Variants in SHB observed in about 807,000 individuals in gnomAD.
The protein encoded by SHB is SH2 domain-containing adapter protein B.
In SHB, 20 loss-of-function variants were observed where a neutral mutation model predicts 52.3. That is an observed-to-expected ratio of 0.38 (90% CI 0.27 to 0.56). The LOEUF is 0.56. Ranked by LOEUF, SHB falls within the 20% of genes least tolerant of loss-of-function variation. The probability of loss-of-function intolerance (pLI) is 0.71; values close to 1 mark genes in which losing one functional copy is unlikely to be tolerated. For missense variants in SHB, 825 were observed against 723.3 expected (o/e 1.14, Z -1.61); for synonymous variants, 397 against 316.5 (o/e 1.25, Z -2.70).
At chr9:37,956,330 T>C (rs1832633680) in intron 3 of SHB, among the ~76,000 whole-genome samples, 1 of 152,024 alleles carries the variant, frequency 6.6e-6, no homozygotes, top group African/African-American at 2.4e-5. Context: ...CTGTGGCCTC[T>C]AGCGGGGGGC....
chr9:38,068,205 C>T lies in SHB; in HGVS notation c.441G>A (p.Gly147=). The change falls in exon 1 of 6, where the codon GGG becomes GGA. Residue 147 remains glycine, a synonymous_variant. Transcript: ENST00000377707. ...AGCCCASSGA[G]AAASSSSSSG... ...AGGACGAGGACGAGGACGCGGCGGC[C>T]CCCGCGCCCGAGGAGGCGCAGCAAC... 1 of 1,398,694 alleles carries T rather than the reference C, an allele frequency of 7.1e-7. No individual in the cohort carries two copies. Among genetic ancestry groups the T allele is most frequent in the South Asian group, 1.6e-5 (1 of 61,524 alleles). The allele number at this position is 1,398,694 out of a possible 1,614,324, so 86.6% of individuals were successfully genotyped here. A position where few individuals can be genotyped will look rare whatever the true frequency, so the allele number is the denominator to read the frequency against.
intron 1 of SHB, among the ~76,000 whole-genome samples, chr9:38,038,722 T>G (rs1821523504): frequency 6.6e-6 from 1 of 152,014 alleles, no homozygotes. Context: ...CCTACTCGGG[T>G]CATGAGCCAG....
chr9:37,993,169 G>A (rs531783065), intron 2 of SHB, among the ~76,000 whole-genome samples: 5 of 152,324 alleles, frequency 3.3e-5, no homozygotes, highest in African/African-American at 1.2e-4. Context: ...GGAATGAGAT[G>A]AGGCTTAACA....
intron 2 of SHB, among the ~76,000 whole-genome samples, chr9:37,998,066 G>T (rs1164022386): frequency 6.6e-6 from 1 of 152,236 alleles, no homozygotes; most frequent in African/African-American, 2.4e-5. Flanking sequence ...TGCTGTGGTG[G>T]AGCTGCTTTC....
At chr9:37,934,389 C>T (rs563349283) in intron 5 of SHB, among the ~76,000 whole-genome samples, 10 of 152,322 alleles carry the variant, frequency 6.6e-5, no homozygotes, top group African/African-American at 2.2e-4. Flanking sequence ...CCTCTAACTC[C>T]TGGGCTTAAG....
intron 1 of SHB, among the ~76,000 whole-genome samples, chr9:38,023,955 T>G (rs912328785): frequency 1.3e-5 from 2 of 152,224 alleles, no homozygotes; most frequent in Admixed American, 6.5e-5. Flanking sequence ...GGCACGCCAA[T>G]AAATCACTGC....
intron 2 of SHB, among the ~76,000 whole-genome samples, chr9:37,995,747 C>T (rs186320448): frequency 6.6e-6 from 1 of 152,308 alleles, no homozygotes; most frequent in Non-Finnish European, 1.5e-5. Flanking sequence ...GCCCCCAACA[C>T]CTGCAGGGGC....
rs1820636715 is a variant in SHB, at chr9:37,974,851, G to A, written c.839-14C>T. ...GCCTCTGAAATTCTGCAGGCAAAAA[G>A]GAAGGAAGCAGAGATGAAATGGATA... On this transcript the variant is annotated splice_polypyrimidine_tract_variant and intron_variant, in intron 2 of 5. Coordinates refer to ENST00000377707, the MANE Select transcript of SHB (RefSeq NM_003028.3). The A allele has an allele frequency of 6.2e-7, 1 of 1,608,242 alleles. No homozygotes were observed. Among genetic ancestry groups the A allele is most frequent in the Non-Finnish European group, 8.5e-7 (1 of 1,174,698 alleles).
At chr9:38,000,936 T>A (rs1018032146) in intron 2 of SHB, among the ~76,000 whole-genome samples, 1 of 152,178 alleles carries the variant, frequency 6.6e-6, no homozygotes, top group Non-Finnish European at 1.5e-5. Flanking sequence ...CATCTCACCA[T>A]CTATACAATG....
chr9:38,052,498 G>A (rs151039878), intron 1 of SHB, among the ~76,000 whole-genome samples: 2 of 152,318 alleles, frequency 1.3e-5, no homozygotes, highest in East Asian at 1.9e-4. Flanking sequence ...CCTGACAAGC[G>A]CTCGGTCAAT....
At chr9:38,061,394 G>T (rs774551207) in intron 1 of SHB, among the ~76,000 whole-genome samples, 1 of 151,984 alleles carries the variant, frequency 6.6e-6, no homozygotes, top group South Asian at 2.1e-4. Flanking sequence ...AGGGTGTGTT[G>T]CCGTCAGCCA....
chr9:38,039,134 A>C (rs1821534076), intron 1 of SHB, among the ~76,000 whole-genome samples: 1 of 152,234 alleles, frequency 6.6e-6, no homozygotes, highest in South Asian at 2.1e-4. Flanking sequence ...TGTGGATAAT[A>C]CATAGCTGGA....
intron 2 of SHB, among the ~76,000 whole-genome samples, chr9:38,007,574 C>A (rs1821088674): frequency 6.6e-6 from 1 of 152,176 alleles, no homozygotes; most frequent in Non-Finnish European, 1.5e-5. Context: ...GATAGGAGGT[C>A]CCTGGGCTCC....
intron 1 of SHB, among the ~76,000 whole-genome samples, chr9:38,041,868 C>T (rs1355454095): frequency 1.3e-5 from 2 of 152,206 alleles, no homozygotes; most frequent in Non-Finnish European, 2.9e-5. Flanking sequence ...AGTCGGCTCT[C>T]AAACATACTT....
At chr9:37,947,307 G>A (rs191002567) in intron 5 of SHB, among the ~76,000 whole-genome samples, 3 of 152,314 alleles carry the variant, frequency 2.0e-5, no homozygotes, top group African/African-American at 7.2e-5. Context: ...TATTCCCCTA[G>A]TGATGACAGG....
intron 1 of SHB, among the ~76,000 whole-genome samples, chr9:38,024,760 G>C (rs1053581664): frequency 4.6e-5 from 7 of 152,200 alleles, no homozygotes; most frequent in Non-Finnish European, 7.4e-5. Flanking sequence ...AGTGCTTTCA[G>C]CCAGGGACTA....
chr9:37,953,691 T>C (rs555526707), intron 4 of SHB, among the ~76,000 whole-genome samples: 24 of 152,162 alleles, frequency 1.6e-4, no homozygotes, highest in Non-Finnish European at 3.1e-4. Context: ...TACCTCCCTC[T>C]GTGCTAGGGT....
chr9:38,002,366 A>C (rs1187060600), intron 2 of SHB, among the ~76,000 whole-genome samples: 2 of 152,238 alleles, frequency 1.3e-5, no homozygotes, highest in Non-Finnish European at 2.9e-5. Flanking sequence ...CTAAATGCTT[A>C]AACAGAGAGG....
chr9:37,976,271 T>G (rs1237220875), intron 2 of SHB, among the ~76,000 whole-genome samples: 1 of 152,128 alleles, frequency 6.6e-6, no homozygotes, highest in Non-Finnish European at 1.5e-5. Flanking sequence ...CCTGACCTCA[T>G]GTGATCTCCC....
Sources: gnomAD v4.1 joint callset for allele counts (sites outside exome capture counted in the v4.1 genomes callset) on GRCh38, gnomAD v4.1.1 for gene constraint, MANE v1.5 for transcripts, NCBI Gene and HGNC (gene_info 2026-07-23, HGNC 2026-07-21) for gene names.